The following ITSN1 variants were observed in gnomAD, a reference collection of about 807,000 sequenced individuals.
ITSN1 encodes intersectin-1.
A neutral mutation model predicts 239.8 loss-of-function variants in ITSN1; 58 were observed. The observed-to-expected ratio is 0.24, with a 90% confidence interval of 0.20 to 0.30. The LOEUF (loss-of-function observed/expected upper bound fraction) is 0.30. ITSN1 is among the 10% of genes least tolerant of loss of function. The pLI is 1.00. For synonymous variants in ITSN1, 780 were observed against 770.8 expected (o/e 1.01, Z -0.20); for missense variants, 1,558 against 2,103.3 (o/e 0.74, Z 5.07).
intron 27 of ITSN1, among the ~76,000 whole-genome samples, chr21:33,830,934 G>A (rs55781414): frequency 0.051 from 7,764 of 151,910 alleles, 293 homozygotes; most frequent in South Asian, 0.12. Context: ...CACAAATGAG[G>A]GAGCAGCTGC....
intron 33 of ITSN1, among the ~76,000 whole-genome samples, chr21:33,874,089 G>A (rs1022672024): frequency 6.7e-6 from 1 of 148,450 alleles, no homozygotes; most frequent in Non-Finnish European, 1.5e-5. Context: ...CCGGGAGGCA[G>A]AGGTTGCAGT....
Position 33,896,914 on chromosome 21 carries a change from C to T in ITSN1, c.*8614C>T, listed in dbSNP as rs1986815571. 1 of 152,218 alleles carries T rather than the reference C, an allele frequency of 6.6e-6. No individual in the cohort carries two copies. Among genetic ancestry groups the T allele is most frequent in the Non-Finnish European group, 1.5e-5 (1 of 68,048 alleles). The allele number at this position is 152,218 out of a possible 1,614,324, so 9.4% of individuals were successfully genotyped here. ...TGACAGAAATTGCAAACTCATCTCACCTGGATTTGATTGAGTCACCTTGAA... is the reference window on the plus strand; with the variant it reads ...TGACAGAAATTGCAAACTCATCTCATCTGGATTTGATTGAGTCACCTTGAA... On this transcript the variant is annotated 3_prime_UTR_variant, in exon 40 of 40. Coordinates refer to ENST00000381318, the MANE Select transcript of ITSN1 (RefSeq NM_003024.3).
chr21:33,685,705 G>T (rs775929926), intron 1 of ITSN1, among the ~76,000 whole-genome samples: 1 of 150,456 alleles, frequency 6.6e-6, no homozygotes, highest in Non-Finnish European at 1.5e-5. Flanking sequence ...TAAACCTCTT[G>T]GTTTCTCAGG....
rs138352474 is a variant in ITSN1 at position 33,692,993 on chromosome 21, C to T, written c.-32-25804C>T. On this transcript the variant is annotated intron_variant, in intron 1 of 39. Transcript: ENST00000381318. The stretch of plus-strand genomic sequence containing the variant: ...TGTATTTGTAGTGGAAATGGGGTTT[C>T]GCCATATTGGCCAGGCTGGTCTTGA... Among the ~76,000 whole-genome samples, 710 of 152,166 alleles carry T rather than the reference C, an allele frequency of 4.7e-3. 7 individuals carry two copies. The highest frequency in any genetic ancestry group is 0.017 in the African/African-American group (688 of 41,514).
chr21:33,756,316 T>C (rs1318993163), intron 8 of ITSN1, among the ~76,000 whole-genome samples: 1 of 146,884 alleles, frequency 6.8e-6, no homozygotes, highest in African/African-American at 2.5e-5. Context: ...AAGAAAGTTA[T>C]AAAGAAAAGC....
Position 33,704,813 on chromosome 21 carries a change from G to A in ITSN1, c.-32-13984G>A, listed in dbSNP as rs531572563. Among the ~76,000 whole-genome samples the A allele has an allele frequency of 2.6e-5, 4 of 151,860 alleles. No individual in the cohort carries two copies. The South Asian group carries it at 6.2e-4, about 24-fold the overall frequency. On this transcript the variant is annotated intron_variant, in intron 1 of 39. Transcript: ENST00000381318. ...CAGTTGTAAAGACAATCTTGGCCGGGCGCGGTGGCTCACACCTGTAATCCC... is the reference window on the plus strand; with the variant it reads ...CAGTTGTAAAGACAATCTTGGCCGGACGCGGTGGCTCACACCTGTAATCCC...
At chr21:33,774,008 C>T (rs958913607) in intron 12 of ITSN1, among the ~76,000 whole-genome samples, 1 of 152,088 alleles carries the variant, frequency 6.6e-6, no homozygotes, top group African/African-American at 2.4e-5. Context: ...CAGACAGACA[C>T]TAACAAAATT....
At chr21:33,847,519 T>A (rs2075022076) in intron 29 of ITSN1, among the ~76,000 whole-genome samples, 1 of 152,234 alleles carries the variant, frequency 6.6e-6, no homozygotes, top group Non-Finnish European at 1.5e-5. Flanking sequence ...CGTACATCGC[T>A]GGGATCTGCT....
intron 1 of ITSN1, among the ~76,000 whole-genome samples, chr21:33,678,181 C>T (rs1012426796): frequency 6.6e-5 from 10 of 152,074 alleles, no homozygotes; most frequent in Non-Finnish European, 1.0e-4. Flanking sequence ...TCTTTTCTTT[C>T]GTTGGGTCTT....
chr21:33,721,377 T>A, intron 3 of ITSN1, 107 bp downstream of exon 3: 1 of 735,048 alleles, frequency 1.4e-6, no homozygotes, highest in South Asian at 1.6e-5. Context: ...AGGAGAGACA[T>A]TTACCTGTTT....
intron 5 of ITSN1, among the ~76,000 whole-genome samples, chr21:33,742,657 T>C (rs1489481458): frequency 1.3e-5 from 2 of 152,170 alleles, no homozygotes; most frequent in African/African-American, 4.8e-5. Flanking sequence ...CCAACAAGCC[T>C]TCCTTTTGGG....
At chr21:33,692,775 T>C (rs2091606073) in intron 1 of ITSN1, among the ~76,000 whole-genome samples, 1 of 152,100 alleles carries the variant, frequency 6.6e-6, no homozygotes, top group African/African-American at 2.4e-5. Flanking sequence ...GTAATCTATT[T>C]CTTTTTTTTT....
At position 33,753,324 on chromosome 21, in the gene ITSN1, G is replaced by A. The variant is rs571533966; in HGVS notation, c.623+1418G>A. Among the ~76,000 whole-genome samples the A allele has an allele frequency of 1.6e-4, 24 of 152,230 alleles. No individual in the cohort carries two copies. The South Asian group carries it at 3.5e-3, about 22-fold the overall frequency. The stretch of plus-strand genomic sequence containing the variant: ...ATCATTAATCCTATTCAACCCCATA[G>A]CTACCTATGCAGTAGATGTCTCAAG... On this transcript the variant is annotated intron_variant, in intron 7 of 39. Transcript: ENST00000381318.
At chr21:33,710,450 C>G (rs1216338167) in intron 1 of ITSN1, among the ~76,000 whole-genome samples, 1 of 152,012 alleles carries the variant, frequency 6.6e-6, no homozygotes, top group Non-Finnish European at 1.5e-5. Context: ...ATCATATGGG[C>G]TTTCTGCTTT....
chr21:33,654,316 C>G (rs1170161703), intron 1 of ITSN1, among the ~76,000 whole-genome samples: 2 of 151,786 alleles, frequency 1.3e-5, no homozygotes, highest in African/African-American at 4.8e-5. Flanking sequence ...TCAGCCTCCC[C>G]AAGTGCTGGG....
Position 33,895,621 on chromosome 21 carries a change from TTG to T in ITSN1, c.*7330_*7331del, listed in dbSNP as rs34923220. 3,046 of 141,542 alleles carry T rather than the reference TTG, an allele frequency of 0.022. 86 individuals are homozygous for T. The highest frequency in any genetic ancestry group is 0.075 in the African/African-American group (2,818 of 37,372). 8.8% of individuals were successfully genotyped at this position (141,542 alleles called of 1,614,324 possible). On this transcript the variant is annotated 3_prime_UTR_variant, in exon 40 of 40. Coordinates refer to ENST00000381318, the MANE Select transcript of ITSN1 (RefSeq NM_003024.3). ...CATGTGTTTGTGCGTGTGTGCGTATTTGTGTGTGTGCGTGTGTGTGCGTGTGT... is the reference window on the plus strand; with the variant it reads ...CATGTGTTTGTGCGTGTGTGCGTATTTGTGTGTGCGTGTGTGTGCGTGTGT...
chr21:33,711,651 GTT>G (rs66499121), intron 1 of ITSN1, among the ~76,000 whole-genome samples: 13,184 of 107,580 alleles, frequency 0.12, 735 homozygotes, highest in Admixed American at 0.21. Flanking sequence ...TTTTCTGTGT[GTT>G]GTGTGTGTGT....
intron 4 of ITSN1, among the ~76,000 whole-genome samples, chr21:33,725,616 T>C (rs954705049): frequency 2.6e-5 from 4 of 152,128 alleles, no homozygotes; most frequent in African/African-American, 9.7e-5. Context: ...ACAGTTGTCC[T>C]AACTTTCTAA....
intron 15 of ITSN1, among the ~76,000 whole-genome samples, chr21:33,781,771 G>T (rs981644118): frequency 1.3e-5 from 2 of 152,012 alleles, no homozygotes; most frequent in African/African-American, 4.8e-5. Context: ...TAGAGATGGG[G>T]TTTCACTATA....
Sources: gnomAD v4.1 joint callset for allele counts (sites outside exome capture counted in the v4.1 genomes callset) on GRCh38, gnomAD v4.1.1 for gene constraint, MANE v1.5 for transcripts, NCBI Gene and HGNC (gene_info 2026-07-23, HGNC 2026-07-21) for gene names.